Variants in TUSC3 observed in about 807,000 individuals in gnomAD.
TUSC3 encodes dolichyl-diphosphooligosaccharide--protein glycosyltransferase subunit TUSC3.
In TUSC3, 45 loss-of-function variants were observed where a neutral mutation model predicts 44.8. That is an observed-to-expected ratio of 1.00 (90% CI 0.79 to 1.29). TUSC3 has a LOEUF of 1.29. Ranked by LOEUF, TUSC3 falls within the 50% of genes most tolerant of loss-of-function variation. TUSC3 has a pLI of 0.00. For missense variants in TUSC3, 519 were observed against 437.9 expected (o/e 1.19, Z -1.65); for synonymous variants, 212 against 152.9 (o/e 1.39, Z -2.85).
chr8:15,431,447 C>T (rs1035464568), intron 1 of TUSC3, among the ~76,000 whole-genome samples: 3 of 151,468 alleles, frequency 2.0e-5, no homozygotes, highest in South Asian at 2.1e-4. Flanking sequence ...CTTTAAATGG[C>T]GTTGTTTTCA....
intron 9 of TUSC3, among the ~76,000 whole-genome samples, chr8:15,756,494 T>C (rs1189240827): frequency 6.6e-6 from 1 of 152,214 alleles, no homozygotes; most frequent in Non-Finnish European, 1.5e-5. Flanking sequence ...CATTATGTTT[T>C]TCATTAAGTA....
chr8:15,627,510 T>A (rs2129166479), intron 2 of TUSC3, among the ~76,000 whole-genome samples: 1 of 152,356 alleles, frequency 6.6e-6, no homozygotes, highest in South Asian at 2.1e-4. Context: ...CAAAGAGGGC[T>A]GGAACATGCC....
chr8:15,614,718 A>G (rs1028560737), intron 1 of TUSC3, among the ~76,000 whole-genome samples: 22 of 152,236 alleles, frequency 1.4e-4, no homozygotes, highest in African/African-American at 3.9e-4. Flanking sequence ...TTTTCATGAC[A>G]TTTAAATTTA....
the TUSC3 span, among the ~76,000 whole-genome samples, chr8:15,804,796 T>G: frequency 6.6e-6 from 1 of 152,328 alleles, no homozygotes; most frequent in East Asian, 1.9e-4. Context: ...TAGGATTGTT[T>G]TGGCTATGTT....
At chr8:15,743,735 A>C in intron 8 of TUSC3, 123 bp downstream of exon 8, 1 of 1,120,368 alleles carries the variant, frequency 8.9e-7, no homozygotes, top group African/African-American at 1.5e-5. Flanking sequence ...GGTTTGAAGA[A>C]GATTTTAACT....
chr8:15,576,444 A>C (rs1430690024), intron 1 of TUSC3, among the ~76,000 whole-genome samples: 4 of 136,234 alleles, frequency 2.9e-5, no homozygotes, highest in East Asian at 2.3e-4. Flanking sequence ...ATATCTCCCA[A>C]TGCTATCCCT....
chr8:15,423,979 T>TTTTTG (rs1799773575), intron 1 of TUSC3, among the ~76,000 whole-genome samples: 3 of 110,068 alleles, frequency 2.7e-5, no homozygotes, highest in African/African-American at 1.0e-4. Context: ...GTTTTTTTTT[T>TTTTTG]TTTTTTTTTT....
intron 2 of TUSC3, among the ~76,000 whole-genome samples, chr8:15,649,700 C>T (rs1478958478): frequency 6.6e-6 from 1 of 151,994 alleles, no homozygotes; most frequent in Non-Finnish European, 1.5e-5. Context: ...TCTTATTGCA[C>T]TGCAATCTCC....
At chr8:15,587,260 A>T (rs776750462) in intron 1 of TUSC3, among the ~76,000 whole-genome samples, 1 of 152,168 alleles carries the variant, frequency 6.6e-6, no homozygotes, top group African/African-American at 2.4e-5. Flanking sequence ...CCCTGTATCC[A>T]TCCTGATCTT....
chr8:15,575,200 A>G (rs1803048847), intron 1 of TUSC3, among the ~76,000 whole-genome samples: 1 of 152,124 alleles, frequency 6.6e-6, no homozygotes, highest in Non-Finnish European at 1.5e-5. Context: ...TTATGTTTGG[A>G]ATTAATAGGA....
At chr8:15,535,383 G>A (rs1321485698), upstream of TUSC3, among the ~76,000 whole-genome samples, 1 of 152,174 alleles carries the variant, frequency 6.6e-6, no homozygotes, top group African/African-American at 2.4e-5. Flanking sequence ...GACATGATTA[G>A]TGCTGTGCTT....
At chr8:15,465,384 C>A (rs1440979664) in intron 1 of TUSC3, among the ~76,000 whole-genome samples, 2 of 152,052 alleles carry the variant, frequency 1.3e-5, no homozygotes, top group Non-Finnish European at 2.9e-5. Flanking sequence ...GATTTTGAAC[C>A]ACCAGCAGAT....
In TUSC3 at chr8:15,724,212, A is replaced by ATTGGCACCTTCATC. The variant is rs1192325724; in HGVS notation, c.799-6449_799-6436dup. On this transcript the variant is annotated intron_variant, in intron 6 of 10. Coordinates refer to ENST00000503731, the MANE Select transcript of TUSC3 (RefSeq NM_006765.4). ...GGATCCCTCACCAGACACCAATCCC[A>ATTGGCACCTTCATC]TTGGCACCTTCATCTTGGACTTTGA... Among the ~76,000 whole-genome samples the ATTGGCACCTTCATC allele has an allele frequency of 2.6e-5, 4 of 152,230 alleles. No homozygotes were observed. In the East Asian group the frequency reaches 7.7e-4, roughly 29 times the overall value.
At chr8:15,818,719 G>C in the TUSC3 span, among the ~76,000 whole-genome samples, 2 of 152,220 alleles carry the variant, frequency 1.3e-5, no homozygotes, top group African/African-American at 2.4e-5. Flanking sequence ...TGGGAGGTAT[G>C]CTTCAAATGA....
At chr8:15,644,710 T>C (rs1362857059) in intron 2 of TUSC3, among the ~76,000 whole-genome samples, 1 of 152,138 alleles carries the variant, frequency 6.6e-6, no homozygotes, top group Non-Finnish European at 1.5e-5. Context: ...CTAATGAATC[T>C]TTTGTACTCT....
chr8:15,520,996 C>T (rs941244508), intron 2 of TUSC3, among the ~76,000 whole-genome samples: 55 of 152,132 alleles, frequency 3.6e-4, no homozygotes, highest in Non-Finnish European at 5.9e-5. Context: ...TGGGACTGTA[C>T]CACTCCCTCC....
chr8:15,703,962 A>G (rs1398623880), intron 6 of TUSC3, among the ~76,000 whole-genome samples: 1 of 152,166 alleles, frequency 6.6e-6, no homozygotes, highest in East Asian at 1.9e-4. Flanking sequence ...CGCACTGCAA[A>G]ATAAGTGACG....
At chr8:15,719,512 CACACCACACA>C (rs771797117) in intron 6 of TUSC3, among the ~76,000 whole-genome samples, 658 of 38,972 alleles carry the variant, frequency 0.017, 6 homozygotes, top group African/African-American at 0.07. Flanking sequence ...CACACACACA[CACACCACACA>C]CACACACACA....
At chr8:15,813,024 G>A in the TUSC3 span, among the ~76,000 whole-genome samples, 85 of 152,090 alleles carry the variant, frequency 5.6e-4, no homozygotes, top group Non-Finnish European at 1.1e-3. Flanking sequence ...AACCTGGGAA[G>A]CAGAGGATGC....
Sources: gnomAD v4.1 joint callset for allele counts (sites outside exome capture counted in the v4.1 genomes callset) on GRCh38, gnomAD v4.1.1 for gene constraint, MANE v1.5 for transcripts, NCBI Gene and HGNC (gene_info 2026-07-23, HGNC 2026-07-21) for gene names.